Variants in DLGAP2 observed in about 807,000 individuals in gnomAD.
DLGAP2 encodes DLG associated protein 2, also known as disks large-associated protein 2.
A neutral mutation model predicts 100.3 loss-of-function variants in DLGAP2; 26 were observed. The ratio of observed to expected loss-of-function variants is 0.26; its 90% confidence interval spans 0.19 to 0.36. DLGAP2 has a LOEUF of 0.36. Among genes scored for constraint, DLGAP2 ranks in the 10% least tolerant of loss-of-function variants. The pLI, the probability that DLGAP2 is intolerant of heterozygous loss-of-function variation, is 1.00. For missense variants in DLGAP2, 1,858 were observed against 1,453.2 expected, an observed-to-expected ratio of 1.28 and a Z score of -4.53; for synonymous variants, 886 against 630.1, an observed-to-expected ratio of 1.41 and a Z score of -6.08.
intron 4 of DLGAP2, among the ~76,000 whole-genome samples, chr8:1,531,215 A>G (rs1023932428): frequency 2.0e-5 from 3 of 150,728 alleles, no homozygotes; most frequent in African/African-American, 7.4e-5. Context: ...TTAATTAAAT[A>G]GTAAGATATT....
At position 1,323,812 on chromosome 8, in the gene DLGAP2, C is replaced by A. The variant is rs917263620; in HGVS notation, c.106+64929C>A. On this transcript the variant is annotated intron_variant, in intron 3 of 14. Coordinates refer to ENST00000637795, the MANE Select transcript of DLGAP2 (RefSeq NM_001346810.2). ...GAAGAAAGAGTTTCACATCGTGTTT[C>A]CTTTCCTAACCACCTGTTCCTGGAG... Among the ~76,000 whole-genome samples the A allele has an allele frequency of 6.6e-5, 10 of 152,286 alleles. No homozygotes were observed. The South Asian group carries it at 1.5e-3, about 22-fold the overall frequency.
At chr8:1,472,018 G>A (rs975591474) in intron 3 of DLGAP2, among the ~76,000 whole-genome samples, 4 of 152,244 alleles carry the variant, frequency 2.6e-5, no homozygotes, top group Admixed American at 6.5e-5. Flanking sequence ...CAGGCACTAC[G>A]TTAAGGATAA....
intron 12 of DLGAP2, among the ~76,000 whole-genome samples, chr8:1,684,263 T>G (rs1202094025): frequency 6.6e-6 from 1 of 152,000 alleles, no homozygotes; most frequent in Non-Finnish European, 1.5e-5. Flanking sequence ...CCCAGATACC[T>G]TCATCTTTTT....
At chr8:1,080,307 C>A (rs763237206) in intron 2 of DLGAP2, among the ~76,000 whole-genome samples, 1 of 151,674 alleles carries the variant, frequency 6.6e-6, no homozygotes, top group Admixed American at 6.6e-5. Context: ...GCTGTGCTCT[C>A]CTCCGGGGGG....
intron 6 of DLGAP2, among the ~76,000 whole-genome samples, chr8:1,568,842 T>C (rs13281576): frequency 1.2e-4 from 12 of 96,618 alleles, no homozygotes; most frequent in South Asian, 4.5e-4. Flanking sequence ...CGTCTCTGCC[T>C]ATGGCCCCCA....
chr8:1,554,823 G>A (rs1224167564), intron 5 of DLGAP2, among the ~76,000 whole-genome samples: 1 of 148,606 alleles, frequency 6.7e-6, no homozygotes, highest in Non-Finnish European at 1.5e-5. Context: ...AGTTCAGGAA[G>A]GCTGGCGTTG....
At chr8:1,481,899 C>A (rs1412549798) in intron 3 of DLGAP2, among the ~76,000 whole-genome samples, 2 of 152,226 alleles carry the variant, frequency 1.3e-5, no homozygotes, top group African/African-American at 4.8e-5. Flanking sequence ...ATGTCTCAGG[C>A]TCAAGCTTCC....
rs75675172 is a variant in DLGAP2, at chr8:1,696,125, T to C, written c.2797-1022T>C. Among the ~76,000 whole-genome samples the C allele has an allele frequency of 5.2e-3, 789 of 152,322 alleles. 19 individuals are homozygous for C. In the East Asian group the frequency reaches 0.064, roughly 12 times the overall value. Reference sequence around the variant, plus strand: ...AACCATAAGCAAATCCAGTTGAATGTTGACCCACCAGAACCTCCTCTGACT... The same window carrying C: ...AACCATAAGCAAATCCAGTTGAATGCTGACCCACCAGAACCTCCTCTGACT... On this transcript the variant is annotated intron_variant, in intron 13 of 14. Transcript: ENST00000637795.
intron 3 of DLGAP2, among the ~76,000 whole-genome samples, chr8:1,413,148 A>G (rs1313271756): frequency 6.6e-6 from 1 of 151,966 alleles, no homozygotes; most frequent in African/African-American, 2.4e-5. Context: ...TGTGTTTTCT[A>G]CTGGACAGTG....
intron 6 of DLGAP2, among the ~76,000 whole-genome samples, chr8:1,614,725 C>T (rs1196026690): frequency 6.6e-6 from 1 of 152,218 alleles, no homozygotes; most frequent in Non-Finnish European, 1.5e-5. Context: ...CCTGGCGACA[C>T]GATTTTTTAA....
At chr8:1,452,904 C>T (rs937403332) in intron 3 of DLGAP2, among the ~76,000 whole-genome samples, 17 of 152,150 alleles carry the variant, frequency 1.1e-4, no homozygotes, top group Non-Finnish European at 1.9e-4. Flanking sequence ...AGGTCTATTA[C>T]GAAGGCCTGT....
intron 1 of DLGAP2, among the ~76,000 whole-genome samples, chr8:767,988 A>G (rs1370303234): frequency 2.6e-5 from 4 of 152,232 alleles, no homozygotes; most frequent in Non-Finnish European, 5.9e-5. Flanking sequence ...TCAGAAAAGC[A>G]ACACTTCTCT....
intron 2 of DLGAP2, among the ~76,000 whole-genome samples, chr8:1,140,837 G>C (rs902408150): frequency 6.6e-6 from 1 of 152,170 alleles, no homozygotes; most frequent in Non-Finnish European, 1.5e-5. Context: ...GCTAGGCGTG[G>C]TGGCATATGC....
intron 8 of DLGAP2, among the ~76,000 whole-genome samples, chr8:1,648,027 A>G (rs886562908): frequency 6.6e-6 from 1 of 152,222 alleles, no homozygotes; most frequent in African/African-American, 2.4e-5. Context: ...ATTTCATGTC[A>G]CTGCCATGCC....
intron 3 of DLGAP2, among the ~76,000 whole-genome samples, chr8:1,408,685 C>T (rs371108284): frequency 2.6e-5 from 4 of 152,262 alleles, no homozygotes; most frequent in Admixed American, 1.3e-4. Flanking sequence ...CTAGCAAGTC[C>T]TTGTTTCAGG....
intron 1 of DLGAP2, among the ~76,000 whole-genome samples, chr8:814,423 C>T (rs1457046731): frequency 2.6e-5 from 4 of 152,080 alleles, no homozygotes; most frequent in African/African-American, 9.7e-5. Context: ...TTTTCATGTG[C>T]CCATTAGGAA....
At chr8:1,419,351 G>A (rs1268133502) in intron 3 of DLGAP2, among the ~76,000 whole-genome samples, 1 of 91,308 alleles carries the variant, frequency 1.1e-5, no homozygotes, top group Non-Finnish European at 2.2e-5. Flanking sequence ...GTGTGTGTGT[G>A]TAGGTTTTGT....
intron 3 of DLGAP2, among the ~76,000 whole-genome samples, chr8:1,391,155 G>A (rs986895054): frequency 6.6e-5 from 10 of 152,226 alleles, no homozygotes; most frequent in African/African-American, 1.4e-4. Context: ...ATGAGACCCC[G>A]GTTGGCTAGA....
intron 3 of DLGAP2, among the ~76,000 whole-genome samples, chr8:1,378,267 C>A (rs531037856): frequency 4.0e-5 from 6 of 150,802 alleles, no homozygotes; most frequent in African/African-American, 1.5e-4. Context: ...CACCTGACTT[C>A]GCCTGTCTGT....
Sources: allele counts gnomAD v4.1 joint callset (sites outside exome capture counted in the v4.1 genomes callset), GRCh38; gene constraint gnomAD v4.1.1; transcripts MANE v1.5; gene names NCBI Gene and HGNC (gene_info 2026-07-23, HGNC 2026-07-21).